Variants in KARS1 observed in about 807,000 individuals in gnomAD.
KARS1 encodes lysyl-tRNA synthetase 1.
Under a neutral mutation model 63.9 loss-of-function variants are expected in KARS1, and 50 were observed. That is an observed-to-expected ratio of 0.78 (90% CI 0.62 to 0.99). The LOEUF (loss-of-function observed/expected upper bound fraction) is 0.99, where lower values mean the gene tolerates loss of function less well. Ranked by LOEUF, KARS1 falls within the 50% of genes least tolerant of loss-of-function variation. The pLI is 0.00. For missense variants in KARS1, 816 were observed against 754.5 expected, an observed-to-expected ratio of 1.08 and a Z score of -0.95; for synonymous variants, 320 against 264.6, an observed-to-expected ratio of 1.21 and a Z score of -2.03.
intron 6 of KARS1, chr16:75,635,308 G>T: frequency 3.1e-6 from 1 of 323,964 alleles, no homozygotes; most frequent in South Asian, 2.6e-5. Context: ...CAGAAGGAGT[G>T]AAAGAGCACT....
At chr16:75,636,848 C>T (rs2082167475) in intron 3 of KARS1, among the ~76,000 whole-genome samples, 1 of 151,602 alleles carries the variant, frequency 6.6e-6, no homozygotes, top group African/African-American at 2.4e-5. Flanking sequence ...CCATGTTGCC[C>T]AGGCTGGTCT....
At chr16:75,629,080 G>C (rs1201522259) in intron 12 of KARS1, 1 of 464,230 alleles carries the variant, frequency 2.2e-6, no homozygotes. Flanking sequence ...GCCTGTGGGG[G>C]TTCTGTCTTC....
At chr16:75,639,731 C>A in intron 3 of KARS1, 1 of 166,048 alleles carries the variant, frequency 6.0e-6, no homozygotes, top group South Asian at 1.5e-4. Flanking sequence ...AAATTTTCTA[C>A]AACTGATAGT....
intron 12 of KARS1, chr16:75,628,975 G>T (rs9938305): frequency 3.8e-6 from 2 of 530,122 alleles, no homozygotes; most frequent in Non-Finnish European, 6.8e-6. Flanking sequence ...TGGGGCTCTG[G>T]GACTCCAAAC....
At chr16:75,643,103 C>G (rs533740642) in intron 1 of KARS1, among the ~76,000 whole-genome samples, 18 of 152,306 alleles carry the variant, frequency 1.2e-4, no homozygotes, top group African/African-American at 4.1e-4. Flanking sequence ...CTGAGCTGTT[C>G]TGTATGATAT....
At position 75,635,685 on chromosome 16, in the gene KARS1, G is replaced by C; in HGVS notation, c.790C>G (p.Leu264Val). Residue 264 changes from leucine (L) to valine (V), a missense_variant, in exon 6 of 14, where the codon CTA becomes GTA. By Grantham distance (32) the Leu-to-Val change is conservative. Transcript: ENST00000302445. ...IRSFLDELGF[L>V]EIETPMMNII... is the part of the protein sequence containing the mutation. ...AGGCAAGGAACTCTCCTTACCTCTA[G>C]GAATCCCAGCTCATCTAAGAAACTT... is the stretch of plus-strand genomic sequence containing the variant. 2 of 1,614,004 alleles carry C rather than the reference G, an allele frequency of 1.2e-6. No homozygotes were observed. The highest frequency in any genetic ancestry group is 1.7e-6 in the Non-Finnish European group (2 of 1,179,994).
At chr16:75,631,995 C>A in intron 7 of KARS1, 140 bp from the exon 8 acceptor site, 1 of 991,598 alleles carries the variant, frequency 1.0e-6, no homozygotes, top group East Asian at 2.5e-5. Flanking sequence ...TCAAGCAATT[C>A]TCCTGCCCCA....
rs2233807 is a variant in KARS1, at chr16:75,647,370, C to T, written c.62+208G>A. 80,433 of 646,544 alleles carry T rather than the reference C, an allele frequency of 0.12. 5,903 individuals are homozygous for T. The highest frequency in any genetic ancestry group is 0.17 in the Middle Eastern group (415 of 2,464). The allele number at this position is 646,544 out of a possible 1,614,324, so 40.1% of individuals were successfully genotyped here. On this transcript the variant is annotated intron_variant, in intron 1 of 13. Coordinates refer to ENST00000302445, the MANE Select transcript of KARS1 (RefSeq NM_005548.3). ...AGGAGTATGATAGGGAGCATCCCGC[C>T]GGTGCCAGCTGGGAACGGGGAGCCG... is the stretch of plus-strand genomic sequence containing the variant.
Position 75,635,770 on chromosome 16 carries a change from G to C in KARS1, c.705C>G (p.Ile235Met), listed in dbSNP as rs1313058339. The stretch of plus-strand genomic sequence containing the variant: ...ATTTCTGCCTCACAAAGTCATTCAG[G>C]ATCAAGTCCAAGTATCTCTGGCGAT... ...TRYRQRYLDLILNDFVRQKFI... is the reference protein window; with the variant it reads ...TRYRQRYLDLMLNDFVRQKFI... The change falls in exon 6 of 14, where the codon ATC becomes ATG. Residue 235 changes from isoleucine (I) to methionine (M), a missense_variant. Physicochemically the swap from Ile to Met is conservative, Grantham distance 10. Transcript: ENST00000302445. 5 of 1,613,996 alleles carry C rather than the reference G, an allele frequency of 3.1e-6. No individual in the cohort carries two copies. The highest frequency in any genetic ancestry group is 1.3e-5 in the African/African-American group (1 of 74,910).
chr16:75,630,704 C>T (rs1177347787), intron 10 of KARS1, among the ~76,000 whole-genome samples, 196 bp from the exon 11 acceptor site: 4 of 152,000 alleles, frequency 2.6e-5, no homozygotes, highest in Non-Finnish European at 4.4e-5. Context: ...GGCATGATCT[C>T]GGCTTGCTGC....
chr16:75,635,865 C>G (rs181461914), intron 5 of KARS1, 47 bp downstream of exon 5: 1 of 1,614,058 alleles, frequency 6.2e-7, no homozygotes, highest in Non-Finnish European at 8.5e-7. Context: ...TATGATAAAA[C>G]AAACAGAAAG....
chr16:75,628,975 G>C lies in KARS1; in HGVS notation c.1552-263C>G, dbSNP rs9938305. 2.2e-3 allele frequency: 1,177 copies of C among 530,226 alleles called. 16 individuals are homozygous for C. Among genetic ancestry groups the C allele is most frequent in the African/African-American group, 0.019 (986 of 52,468 alleles). The allele number at this position is 530,226 out of a possible 1,614,324, so 32.8% of individuals were successfully genotyped here. On this transcript the variant is annotated intron_variant, in intron 12 of 13. Transcript: ENST00000302445. ...AACCCTTCTGCTGCTTGGGGCTCTG[G>C]GACTCCAAACAGGTTAATTCTCAGA...
intron 7 of KARS1, 22 bp from the exon 8 acceptor site, chr16:75,631,877 G>A (rs1289148934): frequency 3.1e-6 from 5 of 1,613,208 alleles, no homozygotes; most frequent in Admixed American, 1.7e-5. Context: ...ACATGGCCAC[G>A]GTCATGACAG....
At chr16:75,638,404 G>A (rs2151807865) in intron 3 of KARS1, among the ~76,000 whole-genome samples, 1 of 151,684 alleles carries the variant, frequency 6.6e-6, no homozygotes, top group Admixed American at 6.6e-5. Context: ...CCCCTTGACA[G>A]GCCCCAGTGT....
chr16:75,632,171 T>C (rs886677461), intron 7 of KARS1, among the ~76,000 whole-genome samples: 3 of 152,174 alleles, frequency 2.0e-5, no homozygotes, highest in Non-Finnish European at 4.4e-5. Flanking sequence ...ATTACAGGCA[T>C]GAGCCACCGC....
In KARS1 at chr16:75,641,604, T is replaced by A. The variant is rs1003754649; in HGVS notation, c.182A>T (p.Asp61Val). 3.1e-6 allele frequency: 5 copies of A among 1,613,650 alleles called. No homozygotes were observed. The African/African-American group carries it at 6.7e-5, about 22-fold the overall frequency. Reference protein sequence around the residue: ...ATAAATNHTTDNGVGPEEESV... With the variant: ...ATAAATNHTTVNGVGPEEESV... ...CTCTTCCTCAGGACCCACACCATTA[T>A]CAGTGGTGTGGTTGGTGGCAGCAGC... Residue 61 changes from aspartate (D) to valine (V), a missense_variant, in exon 2 of 14, where the codon GAT becomes GTT. Coordinates refer to ENST00000302445, the MANE Select transcript of KARS1 (RefSeq NM_005548.3).
At chr16:75,629,988 T>G (rs990233645) in intron 11 of KARS1, among the ~76,000 whole-genome samples, 1 of 152,234 alleles carries the variant, frequency 6.6e-6, no homozygotes, top group African/African-American at 2.4e-5. Flanking sequence ...GCGGGCAGAC[T>G]GTTAAAATGG....
chr16:75,638,701 G>A (rs1597172166), intron 3 of KARS1, among the ~76,000 whole-genome samples: 1 of 152,020 alleles, frequency 6.6e-6, no homozygotes. Flanking sequence ...AATGCCTTAA[G>A]AGAAACAGAA....
At chr16:75,629,587 A>G (rs746016731) in intron 11 of KARS1, 46 bp from the exon 12 acceptor site, 1 of 1,608,796 alleles carries the variant, frequency 6.2e-7, no homozygotes, top group Non-Finnish European at 8.5e-7. Context: ...GAGGCCCCTA[A>G]TGAGCTAAAT....
Sources: gnomAD v4.1 joint callset for allele counts (sites outside exome capture counted in the v4.1 genomes callset) on GRCh38, gnomAD v4.1.1 for gene constraint, MANE v1.5 for transcripts, NCBI Gene and HGNC (gene_info 2026-07-23, HGNC 2026-07-21) for gene names.